The following FSTL5 variants were observed in gnomAD, a reference collection of about 807,000 sequenced individuals.
FSTL5 encodes follistatin-related protein 5.
FSTL5 carries 62 observed loss-of-function variants against 89.1 expected under a neutral mutation model. That is an observed-to-expected ratio of 0.70 (90% CI 0.57 to 0.86). The LOEUF (loss-of-function observed/expected upper bound fraction) is 0.86. FSTL5 is among the 40% of genes least tolerant of loss of function. The pLI is 0.00. For synonymous variants in FSTL5, 383 were observed against 346.2 expected (o/e 1.11, Z -1.18); for missense variants, 1,057 against 1,001.6 (o/e 1.06, Z -0.75).
intron 5 of FSTL5, among the ~76,000 whole-genome samples, chr4:161,774,400 T>G (rs1741322398): frequency 6.6e-6 from 1 of 152,180 alleles, no homozygotes; most frequent in Admixed American, 6.5e-5. Context: ...TTCTGCTGTT[T>G]TAGCCACACA....
intron 11 of FSTL5, among the ~76,000 whole-genome samples, chr4:161,503,561 T>C (rs1168586600): frequency 6.6e-6 from 1 of 151,996 alleles, no homozygotes; most frequent in Non-Finnish European, 1.5e-5. Context: ...TGAAAACAAA[T>C]ATTCTATTAC....
rs115703908 is a variant in FSTL5 at position 162,012,077 on chromosome 4, G to A, written c.160+21548C>T. 9.2e-3 allele frequency among the ~76,000 whole-genome samples: 1,404 copies of A among 152,202 alleles called. 25 individuals are homozygous for A. The highest frequency in any genetic ancestry group is 0.032 in the African/African-American group (1,312 of 41,516). On this transcript the variant is annotated intron_variant, in intron 3 of 15. Coordinates refer to ENST00000306100, the MANE Select transcript of FSTL5 (RefSeq NM_020116.5). ...ACTTGCCTTGATGTTCAGTAAGCGC[G>A]TACAGCTCTAAATCTCCATGTGATG...
intron 7 of FSTL5, among the ~76,000 whole-genome samples, chr4:161,628,336 G>C (rs952553174): frequency 6.6e-6 from 1 of 151,926 alleles, no homozygotes; most frequent in African/African-American, 2.4e-5. Context: ...ATTTTAAAAA[G>C]CAAGAAAAAA....
At chr4:162,123,990 A>C (rs865834715) in intron 1 of FSTL5, among the ~76,000 whole-genome samples, 1 of 152,210 alleles carries the variant, frequency 6.6e-6, no homozygotes, top group African/African-American at 2.4e-5. Flanking sequence ...TGAGCTTTCA[A>C]ATTCTTGATA....
chr4:161,776,333 G>T (rs1741412683), intron 4 of FSTL5, among the ~76,000 whole-genome samples: 1 of 151,948 alleles, frequency 6.6e-6, no homozygotes, highest in Non-Finnish European at 1.5e-5. Flanking sequence ...TGCTGTAACG[G>T]ACATAGAAAA....
At chr4:162,065,483 T>C (rs2111293168) in intron 2 of FSTL5, among the ~76,000 whole-genome samples, 1 of 152,044 alleles carries the variant, frequency 6.6e-6, no homozygotes, top group East Asian at 1.9e-4. Context: ...ATCAGATAAA[T>C]ACCATTCAAA....
At chr4:161,850,296 C>T (rs1391812578) in intron 4 of FSTL5, among the ~76,000 whole-genome samples, 1 of 152,132 alleles carries the variant, frequency 6.6e-6, no homozygotes, top group East Asian at 1.9e-4. Flanking sequence ...TGTTGAATGA[C>T]AGTTGCAATG....
intron 4 of FSTL5, among the ~76,000 whole-genome samples, chr4:161,865,468 A>G (rs1414068892): frequency 2.6e-5 from 4 of 152,198 alleles, no homozygotes; most frequent in African/African-American, 4.8e-5. Context: ...GATGTGCATG[A>G]AAGCACCTAC....
At chr4:161,639,786 G>A (rs545428193) in intron 7 of FSTL5, among the ~76,000 whole-genome samples, 1 of 152,094 alleles carries the variant, frequency 6.6e-6, no homozygotes, top group African/African-American at 2.4e-5. Flanking sequence ...CTGGGAAAGG[G>A]GATCCTGTCA....
At chr4:161,988,244 C>T (rs887517502) in intron 3 of FSTL5, among the ~76,000 whole-genome samples, 3 of 151,830 alleles carry the variant, frequency 2.0e-5, no homozygotes, top group Middle Eastern at 3.2e-3. Context: ...CTGGAAATCA[C>T]AAAACATGAG....
intron 8 of FSTL5, among the ~76,000 whole-genome samples, chr4:161,581,842 T>G (rs1387525745): frequency 6.6e-6 from 1 of 152,228 alleles, no homozygotes; most frequent in Non-Finnish European, 1.5e-5. Context: ...ATAGTTTCAC[T>G]GTGAATATGG....
intron 3 of FSTL5, among the ~76,000 whole-genome samples, chr4:162,030,859 CAT>C (rs1737495034): frequency 6.6e-6 from 1 of 152,116 alleles, no homozygotes; most frequent in Non-Finnish European, 1.5e-5. Context: ...ATAAAGAAAT[CAT>C]AAATTTAAAT....
intron 7 of FSTL5, among the ~76,000 whole-genome samples, chr4:161,597,099 C>T (rs1365786056): frequency 1.3e-5 from 2 of 152,026 alleles, no homozygotes; most frequent in Admixed American, 6.6e-5. Flanking sequence ...ACATGAAGTC[C>T]TTGCCCATGC....
intron 13 of FSTL5, among the ~76,000 whole-genome samples, chr4:161,477,461 T>G (rs1382882086): frequency 6.6e-6 from 1 of 150,646 alleles, no homozygotes; most frequent in African/African-American, 2.4e-5. Context: ...TATGCAATTA[T>G]TATTCATTTT....
At chr4:161,494,327 G>T (rs1465703739) in intron 12 of FSTL5, among the ~76,000 whole-genome samples, 4 of 152,108 alleles carry the variant, frequency 2.6e-5, no homozygotes, top group African/African-American at 9.7e-5. Context: ...TTACTCACTG[G>T]CTTCATGGGG....
chr4:162,159,563 C>CTG (rs1382316143), intron 1 of FSTL5, among the ~76,000 whole-genome samples: 2 of 151,956 alleles, frequency 1.3e-5, no homozygotes, highest in Non-Finnish European at 2.9e-5. Context: ...CAGAGTGAAG[C>CTG]TGTTCTCTTA....
At chr4:161,747,360 T>C (rs1182220872) in intron 6 of FSTL5, among the ~76,000 whole-genome samples, 1 of 151,526 alleles carries the variant, frequency 6.6e-6, no homozygotes, top group African/African-American at 2.4e-5. Context: ...ACATACTTTG[T>C]GTATTTTTTA....
intron 4 of FSTL5, among the ~76,000 whole-genome samples, chr4:161,882,406 T>C (rs1299725722): frequency 6.6e-6 from 1 of 152,136 alleles, no homozygotes; most frequent in Non-Finnish European, 1.5e-5. Flanking sequence ...CTTCATCTGT[T>C]GTACCAAAGC....
At chr4:162,140,200 A>G (rs749107986) in intron 1 of FSTL5, among the ~76,000 whole-genome samples, 3 of 152,146 alleles carry the variant, frequency 2.0e-5, no homozygotes, top group Non-Finnish European at 2.9e-5. Context: ...AGGCACAATC[A>G]CTTTAAAATG....
Sources: allele counts gnomAD v4.1 joint callset (sites outside exome capture counted in the v4.1 genomes callset), GRCh38; gene constraint gnomAD v4.1.1; transcripts MANE v1.5; gene names NCBI Gene and HGNC (gene_info 2026-07-23, HGNC 2026-07-21).